The following HDDC2 variants were observed in gnomAD, a reference collection of about 807,000 sequenced individuals.
HDDC2 encodes 5'-deoxynucleotidase HDDC2.
In HDDC2, 25 loss-of-function variants were observed where a neutral mutation model predicts 25.5. That is an observed-to-expected ratio of 0.98 (90% CI 0.72 to 1.37). The LOEUF is 1.37. HDDC2 is among the 40% of genes most tolerant of loss of function. The pLI is 0.00. For missense variants in HDDC2, 264 were observed against 253.1 expected (o/e 1.04, Z -0.29); for synonymous variants, 106 against 89.7 (o/e 1.18, Z -1.03).
In HDDC2 at chr6:125,299,986, C is replaced by T. The variant is rs551842280; in HGVS notation, c.206+552G>A. 5.3e-5 allele frequency among the ~76,000 whole-genome samples: 8 copies of T among 152,308 alleles called. No homozygotes were observed. In the East Asian group the frequency reaches 5.8e-4, roughly 11 times the overall value. On this transcript the variant is annotated intron_variant, in intron 2 of 5. Coordinates refer to ENST00000398153, the MANE Select transcript of HDDC2 (RefSeq NM_016063.3). The stretch of plus-strand genomic sequence containing the variant: ...CTGCTCTTACAATACTTAACATTTT[C>T]GACCATAACTTACATTTCACTTCTT...
chr6:125,300,733 TCCAGG>T, intron 1 of HDDC2, 74 bp from the exon 2 acceptor site: 7 of 1,452,478 alleles, frequency 4.8e-6, no homozygotes, highest in Non-Finnish European at 6.6e-6. Context: ...TCAAGAGATG[TCCAGG>T]ATATAACACA....
intron 3 of HDDC2, among the ~76,000 whole-genome samples, chr6:125,294,421 A>G (rs1017677419): frequency 6.6e-6 from 1 of 152,078 alleles, no homozygotes; most frequent in Non-Finnish European, 1.5e-5. Context: ...GCATCACACT[A>G]CCCTTAGTAG....
At chr6:125,295,838 C>T (rs1225857688) in intron 3 of HDDC2, among the ~76,000 whole-genome samples, 5 of 152,178 alleles carry the variant, frequency 3.3e-5, no homozygotes, top group Admixed American at 2.0e-4. Context: ...TCAAGTTCCA[C>T]CTCACTAGAT....
At chr6:125,280,584 T>C (rs1216144320) in intron 4 of HDDC2, among the ~76,000 whole-genome samples, 4 of 152,170 alleles carry the variant, frequency 2.6e-5, no homozygotes, top group African/African-American at 9.6e-5. Context: ...GAGGCTTGAG[T>C]GTAAACAAAG....
chr6:125,282,143 C>T (rs1037984792), intron 4 of HDDC2, among the ~76,000 whole-genome samples: 2 of 152,028 alleles, frequency 1.3e-5, no homozygotes, highest in Admixed American at 6.5e-5. Context: ...GTCAGGAGTT[C>T]GAGACCAGCC....
intron 4 of HDDC2, among the ~76,000 whole-genome samples, chr6:125,281,680 GC>G (rs1350331828): frequency 1.3e-5 from 2 of 152,120 alleles, no homozygotes; most frequent in East Asian, 3.9e-4. Flanking sequence ...AACGAACAAA[GC>G]CTCCAAGAAA....
In HDDC2 at chr6:125,292,846, A is replaced by G. The variant is rs750471824; in HGVS notation, c.373T>C (p.Trp125Arg). Residue 125 changes from tryptophan (W) to arginine (R), a missense_variant, in exon 4 of 6, where the codon TGG becomes CGG. Physicochemically the swap from Trp to Arg is moderately radical, Grantham distance 101 (BLOSUM62 -3). Transcript: ENST00000398153. Reference sequence around the variant, plus strand: ...AACGTACCATATATACTTACTTCCCAAAGTTCATAGAGCTCCTTTCTGAGG... The same window carrying G: ...AACGTACCATATATACTTACTTCCCGAAGTTCATAGAGCTCCTTTCTGAGG... ...EDLRKELYEL[W>R]EEYETQSSAE... is the part of the protein sequence containing the mutation. 2 of 1,611,300 alleles carry G rather than the reference A, an allele frequency of 1.2e-6. No homozygotes were observed. The highest frequency in any genetic ancestry group is 1.7e-6 in the Non-Finnish European group (2 of 1,178,182).
intron 3 of HDDC2, among the ~76,000 whole-genome samples, chr6:125,293,881 A>G (rs1333615864): frequency 6.6e-6 from 1 of 152,170 alleles, no homozygotes; most frequent in Non-Finnish European, 1.5e-5. Context: ...TCCCCACCAC[A>G]AGGAGAAGCG....
chr6:125,301,780 G>T (rs1798812808), intron 1 of HDDC2, 69 bp downstream of exon 1: 13 of 1,192,844 alleles, frequency 1.1e-5, no homozygotes, highest in Non-Finnish European at 1.5e-5. Flanking sequence ...CGAGCGGGGA[G>T]GCCGGAAGCT....
Position 125,275,758 on chromosome 6 carries a change from G to T in HDDC2, c.*388C>A, listed in dbSNP as rs1798357894. On this transcript the variant is annotated 3_prime_UTR_variant, in exon 6 of 6. Coordinates refer to ENST00000398153, the MANE Select transcript of HDDC2 (RefSeq NM_016063.3). ...CTGGATTCTTATCACTAAATCAGCT[G>T]AAGAATCTGTTCTTAAAAGCAATCA... 1.1e-5 allele frequency: 2 copies of T among 175,104 alleles called. No individual in the cohort carries two copies. The highest frequency in any genetic ancestry group is 2.4e-5 in the Non-Finnish European group (2 of 83,146). 10.8% of individuals were successfully genotyped at this position (175,104 alleles called of 1,614,324 possible).
chr6:125,280,083 T>C (rs1021217686), intron 4 of HDDC2, among the ~76,000 whole-genome samples: 2 of 152,076 alleles, frequency 1.3e-5, no homozygotes, highest in African/African-American at 2.4e-5. Context: ...GTATAGCCCA[T>C]GGAGGGCGAG....
At chr6:125,286,196 G>C (rs1798531864) in intron 4 of HDDC2, among the ~76,000 whole-genome samples, 1 of 152,148 alleles carries the variant, frequency 6.6e-6, no homozygotes, top group African/African-American at 2.4e-5. Flanking sequence ...AAACTGTTGA[G>C]AAACTGACAT....
Position 125,301,876 on chromosome 6 carries a change from C to T in HDDC2, c.57G>A (p.Gln19=), listed in dbSNP as rs1014323548. The T allele has an allele frequency of 5.2e-6, 8 of 1,550,354 alleles. No homozygotes were observed. Among genetic ancestry groups the T allele is most frequent in the Non-Finnish European group, 6.1e-6 (7 of 1,148,874 alleles). Reference sequence around the variant, plus strand: ...TGAGCTGCCCTACCAGCCGCAGGAACTGCAGTAGGGACCGAGCCCCGTGGC... The same window carrying T: ...TGAGCTGCCCTACCAGCCGCAGGAATTGCAGTAGGGACCGAGCCCCGTGGC... ...FSGHGARSLL[Q]FLRLVGQLKR... is the part of the protein sequence containing the mutation. Residue 19 remains glutamine, a synonymous_variant, in exon 1 of 6, where the codon CAG becomes CAA. Coordinates refer to ENST00000398153, the MANE Select transcript of HDDC2 (RefSeq NM_016063.3).
At chr6:125,296,282 A>T (rs1030691007) in intron 3 of HDDC2, among the ~76,000 whole-genome samples, 5 of 152,132 alleles carry the variant, frequency 3.3e-5, no homozygotes, top group African/African-American at 1.2e-4. Context: ...TATCTTCAGC[A>T]TCTGCAGATT....
intron 3 of HDDC2, 110 bp downstream of exon 3, chr6:125,298,604 G>C: frequency 1.3e-6 from 1 of 770,154 alleles, no homozygotes; most frequent in South Asian, 1.5e-5. Context: ...ACACTACTAA[G>C]ACTATCAAGG....
intron 3 of HDDC2, among the ~76,000 whole-genome samples, chr6:125,295,076 T>G (rs1798689133): frequency 6.6e-6 from 1 of 152,214 alleles, no homozygotes; most frequent in African/African-American, 2.4e-5. Context: ...CATGCCTTTT[T>G]AATTGAACCC....
intron 4 of HDDC2, among the ~76,000 whole-genome samples, chr6:125,288,167 G>A (rs1314789568): frequency 6.6e-6 from 1 of 152,222 alleles, no homozygotes; most frequent in Non-Finnish European, 1.5e-5. Context: ...CAGTGTCTAT[G>A]TTCTCAAAGA....
chr6:125,287,215 T>TA (rs953635371), intron 4 of HDDC2, among the ~76,000 whole-genome samples: 20 of 152,126 alleles, frequency 1.3e-4, no homozygotes, highest in Admixed American at 5.9e-4. Context: ...CATTAAGCTT[T>TA]AAAAAAAGTG....
intron 4 of HDDC2, among the ~76,000 whole-genome samples, chr6:125,281,420 G>A (rs563152173): frequency 1.3e-5 from 2 of 152,286 alleles, no homozygotes; most frequent in African/African-American, 4.8e-5. Context: ...TGAGCTAAAT[G>A]AGCATGTTCT....
Sources: gnomAD v4.1 joint callset for allele counts (sites outside exome capture counted in the v4.1 genomes callset) on GRCh38, gnomAD v4.1.1 for gene constraint, MANE v1.5 for transcripts, NCBI Gene and HGNC (gene_info 2026-07-23, HGNC 2026-07-21) for gene names.